Variants in HSPG2 observed in about 807,000 individuals in gnomAD.
The protein encoded by HSPG2 is heparan sulfate proteoglycan 2, also known as basement membrane-specific heparan sulfate proteoglycan core protein.
In HSPG2, 278 loss-of-function variants were observed where a neutral mutation model predicts 526.6. The observed-to-expected ratio is 0.53, with a 90% confidence interval of 0.48 to 0.58. HSPG2 has a LOEUF of 0.58. Ranked by LOEUF, HSPG2 falls within the 20% of genes least tolerant of loss-of-function variation. The pLI, the probability that HSPG2 is intolerant of heterozygous loss-of-function variation, is 0.00. For missense variants in HSPG2, 5,354 were observed against 6,099.5 expected (o/e 0.88, Z 4.07); for synonymous variants, 2,465 against 2,555.4 (o/e 0.96, Z 1.07).
chr1:21,885,110 G>C lies in HSPG2; in HGVS notation c.1258C>G (p.Arg420Gly). 1 of 1,612,966 alleles carries C rather than the reference G, an allele frequency of 6.2e-7. No homozygotes were observed. The highest frequency in any genetic ancestry group is 2.2e-5 in the East Asian group (1 of 44,818). ...CAGGTGAAGGTCACTGTCTGGCCCC[G>C]GGAAGCCTGGATGGACTCCCGGGGA... ...TPPRESIQASRGQTVTFTCVA... is the reference protein window; with the variant it reads ...TPPRESIQASGGQTVTFTCVA... The change falls in exon 11 of 97, where the codon CGG becomes GGG. Residue 420 changes from arginine (R) to glycine (G), a missense_variant. Physicochemically the swap from Arg to Gly is moderately radical, Grantham distance 125. Coordinates refer to ENST00000374695, the MANE Select transcript of HSPG2 (RefSeq NM_005529.7).
Position 21,895,669 on chromosome 1 carries a change from C to A in HSPG2, c.244+253G>T, listed in dbSNP as rs192246173. ...GACTGGCTGTCAGTCCCCAGCAGAA[C>A]TGGGCTTTACCTGCCCAGTGCCCTG... On this transcript the variant is annotated intron_variant, in intron 3 of 96. Coordinates refer to ENST00000374695, the MANE Select transcript of HSPG2 (RefSeq NM_005529.7). This position sits in a 1 kb window ranked among gnomAD's most constrained non-coding sequence, Gnocchi z 4.1. 6.6e-6 allele frequency among the ~76,000 whole-genome samples: 1 copy of A among 152,354 alleles called. No individual in the cohort carries two copies. The highest frequency in any genetic ancestry group is 1.9e-4 in the East Asian group (1 of 5,190).
Position 21,833,401 on chromosome 1 carries a change from C to G in HSPG2, c.10979-17G>C, listed in dbSNP as rs375588995. The stretch of plus-strand genomic sequence containing the variant: ...CCACCCGCTCTGCCAGCAGAGAGCA[C>G]AGCTGAAGACCCTGCCAGTCAGGGA... On this transcript the variant is annotated splice_polypyrimidine_tract_variant and intron_variant, in intron 79 of 96. Transcript: ENST00000374695. 14 of 1,614,100 alleles carry G rather than the reference C, an allele frequency of 8.7e-6. No individual in the cohort carries two copies. The African/African-American group carries it at 1.1e-4, about 12-fold the overall frequency.
chr1:21,848,922 G>A lies in HSPG2; in HGVS notation c.7556C>T (p.Thr2519Ile). 2.5e-6 allele frequency: 4 copies of A among 1,613,922 alleles called. No individual in the cohort carries two copies. Among genetic ancestry groups the A allele is most frequent in the Admixed American group, 1.7e-5 (1 of 60,006 alleles). Residue 2519 changes from threonine (T) to isoleucine (I), a missense_variant, in exon 58 of 97, where the codon ACC becomes ATC. By Grantham distance (89) the Thr-to-Ile change is moderately conservative. Coordinates refer to ENST00000374695, the MANE Select transcript of HSPG2 (RefSeq NM_005529.7). This position sits in a 1 kb window ranked among gnomAD's most constrained non-coding sequence, Gnocchi z 4.9. Reference sequence around the variant, plus strand: ...GGAGCCACTAAGGCGCTGCTGGATGGTGACAAGGACTGAGGCTTCCTGGGT... The same window carrying A: ...GGAGCCACTAAGGCGCTGCTGGATGATGACAAGGACTGAGGCTTCCTGGGT... The part of the protein sequence containing the change: ...SGTQEASVLV[T>I]IQQRLSGSHS...
In HSPG2 at chr1:21,890,343, G is replaced by T; in HGVS notation, c.413+84C>A. 2 of 1,426,610 alleles carry T rather than the reference G, an allele frequency of 1.4e-6. No individual in the cohort carries two copies. The highest frequency in any genetic ancestry group is 1.1e-5 in the South Asian group (1 of 87,314). 88.4% of individuals were successfully genotyped at this position (1,426,610 alleles called of 1,614,324 possible). The stretch of plus-strand genomic sequence containing the variant: ...CTCATCCCATAGGCCTTTCCGCGGT[G>T]CCAGGCTTCCTTCCCATCCTCATCA... On this transcript the variant is annotated intron_variant, in intron 5 of 96. Coordinates refer to ENST00000374695, the MANE Select transcript of HSPG2 (RefSeq NM_005529.7). The surrounding 1 kb of genome is among the most constrained non-coding windows in gnomAD (Gnocchi z 4.1).
rs761496107 is a variant in HSPG2, at chr1:21,872,540, C to T, written c.4029+80G>A. The stretch of plus-strand genomic sequence containing the variant: ...AGGGTACTGAGGCGGGGATGAGGGT[C>T]GCTGGGCTCAGTGCTCAGATGGACA... On this transcript the variant is annotated intron_variant, in intron 32 of 96. Coordinates refer to ENST00000374695, the MANE Select transcript of HSPG2 (RefSeq NM_005529.7). The surrounding 1 kb of genome is among the most constrained non-coding windows in gnomAD (Gnocchi z 5.5). The T allele has an allele frequency of 3.0e-4, 450 of 1,517,482 alleles. 1 individual carries two copies. The highest frequency in any genetic ancestry group is 3.5e-4 in the Non-Finnish European group (394 of 1,118,082). 94.0% of individuals were successfully genotyped at this position (1,517,482 alleles called of 1,614,324 possible). A position where few individuals can be genotyped will look rare whatever the true frequency, so the allele number is the denominator to read the frequency against.
At chr1:21,875,824 C>CT in intron 24 of HSPG2, 39 bp downstream of exon 24, 10 of 1,611,086 alleles carry the variant, frequency 6.2e-6, no homozygotes, top group Non-Finnish European at 8.5e-6. Flanking sequence ...GAGCAAGGGC[C>CT]TGCCCGCACC....
intron 1 of HSPG2, among the ~76,000 whole-genome samples, chr1:21,926,936 G>A (rs1644211600): frequency 6.6e-6 from 1 of 152,208 alleles, no homozygotes; most frequent in African/African-American, 2.4e-5. Flanking sequence ...AACAAGGAGA[G>A]GGTTGAGTCA....
intron 69 of HSPG2, 117 bp downstream of exon 69, chr1:21,841,885 C>A: frequency 6.9e-7 from 1 of 1,446,620 alleles, no homozygotes; most frequent in South Asian, 1.2e-5. Context: ...GGGCCTTACT[C>A]AGGGCCACAC....
intron 1 of HSPG2, among the ~76,000 whole-genome samples, chr1:21,902,241 C>T (rs1479321292): frequency 1.3e-5 from 2 of 152,218 alleles, no homozygotes; most frequent in Non-Finnish European, 2.9e-5. Context: ...CCACAGCCTC[C>T]TCTGGCATGC....
rs1309594627 is a variant in HSPG2, at chr1:21,848,505, C to T, written c.7737+138G>A. 10 of 1,027,422 alleles carry T rather than the reference C, an allele frequency of 9.7e-6. No individual in the cohort carries two copies. Among genetic ancestry groups the T allele is most frequent in the Non-Finnish European group, 1.5e-5 (10 of 661,320 alleles). 63.6% of individuals were successfully genotyped at this position (1,027,422 alleles called of 1,614,324 possible). A position where few individuals can be genotyped will look rare whatever the true frequency, so the allele number is the denominator to read the frequency against. Reference sequence around the variant, plus strand: ...TTATTTCTGTATTCTCAGCACTGGTCTAGGACCCATCCAGCAAGGATACTC... The same window carrying T: ...TTATTTCTGTATTCTCAGCACTGGTTTAGGACCCATCCAGCAAGGATACTC... On this transcript the variant is annotated intron_variant, in intron 59 of 96. Transcript: ENST00000374695. This position sits in a 1 kb window ranked among gnomAD's most constrained non-coding sequence, Gnocchi z 4.9.
rs1641766729 is a variant in HSPG2, at chr1:21,884,826, T to C, written c.1448A>G (p.Asn483Ser). Residue 483 changes from asparagine (N) to serine (S), a missense_variant, in exon 12 of 97, where the codon AAC becomes AGC. Transcript: ENST00000374695. ...DQGAYTCEAM[N>S]ARGMVFGIPD... is the part of the protein sequence containing the mutation. ...AATGCCAAACACCATGCCCCGGGCG[T>C]TCATGGCCTCACAGGTGTAGGCACC... is the stretch of plus-strand genomic sequence containing the variant. 6.2e-7 allele frequency: 1 copy of C among 1,613,684 alleles called. No homozygotes were observed. The highest frequency in any genetic ancestry group is 8.5e-7 in the Non-Finnish European group (1 of 1,180,016).
chr1:21,885,900 C>T (rs1292941370), intron 9 of HSPG2, among the ~76,000 whole-genome samples: 1 of 152,260 alleles, frequency 6.6e-6, no homozygotes, highest in Non-Finnish European at 1.5e-5. Context: ...TCTGTGCTCC[C>T]ACTGACAGGC....
intron 3 of HSPG2, among the ~76,000 whole-genome samples, chr1:21,891,266 C>A (rs1175187028): frequency 3.3e-5 from 5 of 152,234 alleles, no homozygotes; most frequent in Non-Finnish European, 7.3e-5. Flanking sequence ...GTTCTAAGGT[C>A]AGCCATGCCT....
chr1:21,830,426 C>T (rs1421306906), intron 85 of HSPG2: 3 of 375,672 alleles, frequency 8.0e-6, no homozygotes, highest in Non-Finnish European at 1.5e-5. Flanking sequence ...GGGGCTCATG[C>T]CTGTAATCCC....
chr1:21,832,720 C>G, intron 80 of HSPG2, 114 bp from the exon 81 acceptor site: 1 of 740,458 alleles, frequency 1.4e-6, no homozygotes. Context: ...ACCTGTCCCT[C>G]CCTCTGGCAC....
intron 1 of HSPG2, among the ~76,000 whole-genome samples, chr1:21,928,312 A>G (rs1401232504): frequency 6.6e-6 from 1 of 152,222 alleles, no homozygotes; most frequent in Non-Finnish European, 1.5e-5. Context: ...CCCTGCAGAG[A>G]GCATGGCTGG....
chr1:21,874,784 A>G, intron 26 of HSPG2, 55 bp from the exon 27 acceptor site: 1 of 1,521,710 alleles, frequency 6.6e-7, no homozygotes, highest in South Asian at 1.2e-5. Flanking sequence ...CCATTCAGGT[A>G]GGGGCACTGG....
chr1:21,832,691 G>C (rs563186214), intron 80 of HSPG2, 85 bp from the exon 81 acceptor site: 260 of 999,140 alleles, frequency 2.6e-4, no homozygotes, highest in Non-Finnish European at 3.9e-4. Context: ...CCAAGCTCTT[G>C]AGCCTGTCCA....
Position 21,891,665 on chromosome 1 carries a change from C to T in HSPG2, c.245-971G>A, listed in dbSNP as rs1014859383. Among the ~76,000 whole-genome samples, 26 of 152,036 alleles carry T rather than the reference C, an allele frequency of 1.7e-4. 1 individual carries two copies. The highest frequency in any genetic ancestry group is 4.8e-5 in the African/African-American group (2 of 41,352). On this transcript the variant is annotated intron_variant, in intron 3 of 96. Coordinates refer to ENST00000374695, the MANE Select transcript of HSPG2 (RefSeq NM_005529.7). ...TTGCTCTGTCACCCACGCTGGAGTG[C>T]GGTAGCAAAATCACAGCTCACTGCA...
Sources: allele counts gnomAD v4.1 joint callset (sites outside exome capture counted in the v4.1 genomes callset), GRCh38; gene constraint gnomAD v4.1.1; non-coding constraint Gnocchi (gnomAD v3.1); transcripts MANE v1.5; gene names NCBI Gene and HGNC (gene_info 2026-07-23, HGNC 2026-07-21).